NBEA: variants seen among roughly 807,000 people sequenced by gnomAD.
NBEA encodes lysosomal-trafficking regulator 2.
A neutral mutation model predicts 343.4 loss-of-function variants in NBEA; 44 were observed. The observed-to-expected ratio is 0.13, with a 90% CI of 0.10 to 0.16. The LOEUF is 0.16. NBEA is among the 10% of genes least tolerant of loss of function. The pLI is 1.00. For missense variants in NBEA, 2,555 were observed against 3,631.3 expected (o/e 0.70, Z 7.62); for synonymous variants, 1,175 against 1,238.7 (o/e 0.95, Z 1.08).
At chr13:35,438,893 T>C (rs1041780303) in intron 39 of NBEA, among the ~76,000 whole-genome samples, 3 of 152,252 alleles carry the variant, frequency 2.0e-5, no homozygotes, top group African/African-American at 7.2e-5. Flanking sequence ...ATTTTCATAT[T>C]AATAAATGTT....
intron 1 of NBEA, among the ~76,000 whole-genome samples, chr13:35,008,108 A>G (rs1261699966): frequency 2.6e-5 from 4 of 152,200 alleles, no homozygotes; most frequent in African/African-American, 7.2e-5. Flanking sequence ...TTACAATCCA[A>G]CTAAGAATAG....
intron 34 of NBEA, among the ~76,000 whole-genome samples, chr13:35,248,094 A>G (rs932054248): frequency 1.3e-5 from 2 of 152,224 alleles, no homozygotes; most frequent in African/African-American, 4.8e-5. Flanking sequence ...AGGATAGAAT[A>G]TTTGCAAACT....
intron 18 of NBEA, among the ~76,000 whole-genome samples, chr13:35,153,255 G>C (rs187383009): frequency 6.6e-6 from 1 of 151,866 alleles, no homozygotes; most frequent in Non-Finnish European, 1.5e-5. Context: ...GGATGGTCTC[G>C]ATCTCCTGAC....
chr13:34,959,488 C>T (rs979554367), intron 1 of NBEA, among the ~76,000 whole-genome samples: 3 of 151,938 alleles, frequency 2.0e-5, no homozygotes, highest in Non-Finnish European at 4.4e-5. Flanking sequence ...CTGGAATGGT[C>T]ATAAAATTCT....
At chr13:35,238,673 T>C (rs2075344950) in intron 34 of NBEA, among the ~76,000 whole-genome samples, 1 of 152,182 alleles carries the variant, frequency 6.6e-6, no homozygotes, top group Non-Finnish European at 1.5e-5. Context: ...GTGTCTGAGA[T>C]ACATGAGGCT....
At chr13:35,398,736 A>G (rs1375333365) in intron 38 of NBEA, among the ~76,000 whole-genome samples, 1 of 152,084 alleles carries the variant, frequency 6.6e-6, no homozygotes, top group Admixed American at 6.6e-5. Context: ...TTTTTAGAGC[A>G]CAGGCAGACT....
intron 34 of NBEA, among the ~76,000 whole-genome samples, chr13:35,237,427 ACT>A (rs2075289319): frequency 6.6e-6 from 1 of 151,882 alleles, no homozygotes; most frequent in Admixed American, 6.6e-5. Flanking sequence ...TTGAGCATGT[ACT>A]CTTACTCATT....
intron 41 of NBEA, chr13:35,475,069 T>A: frequency 6.2e-7 from 1 of 1,611,526 alleles, no homozygotes; most frequent in Non-Finnish European, 8.5e-7. Flanking sequence ...CTAAAGTTTT[T>A]CCAAACTTTT....
chr13:34,990,378 A>T (rs2060709055), intron 1 of NBEA, among the ~76,000 whole-genome samples: 3 of 151,088 alleles, frequency 2.0e-5, no homozygotes, highest in Non-Finnish European at 4.4e-5. Context: ...CCAAGCCTTA[A>T]CTCTTGCCCT....
intron 41 of NBEA, among the ~76,000 whole-genome samples, chr13:35,540,675 T>C (rs1351983643): frequency 6.6e-6 from 1 of 152,140 alleles, no homozygotes; most frequent in Non-Finnish European, 1.5e-5. Context: ...TTAAAATATT[T>C]TGCTCAACAA....
chr13:35,124,681 CAT>C (rs2067004933), intron 17 of NBEA, among the ~76,000 whole-genome samples: 2 of 150,310 alleles, frequency 1.3e-5, no homozygotes, highest in South Asian at 2.1e-4. Context: ...TATATATACA[CAT>C]GTATGGATAT....
intron 17 of NBEA, among the ~76,000 whole-genome samples, chr13:35,129,451 C>G (rs1387413718): frequency 6.6e-6 from 1 of 151,588 alleles, no homozygotes; most frequent in Non-Finnish European, 1.5e-5. Context: ...TAAAAAAACC[C>G]TAAGTAACTT....
intron 38 of NBEA, among the ~76,000 whole-genome samples, chr13:35,431,126 C>T (rs756107970): frequency 2.0e-5 from 3 of 151,580 alleles, no homozygotes; most frequent in Non-Finnish European, 4.4e-5. Flanking sequence ...ATTAAAAAAA[C>T]GTTTTCATTA....
chr13:35,426,768 C>G (rs2044705636), intron 38 of NBEA, among the ~76,000 whole-genome samples: 1 of 152,216 alleles, frequency 6.6e-6, no homozygotes, highest in African/African-American at 2.4e-5. Context: ...TTCTCCCCAT[C>G]ACTTTCAGGT....
intron 21 of NBEA, 38 bp from the exon 22 acceptor site, chr13:35,158,978 T>A (rs2069374043): frequency 1.3e-6 from 2 of 1,493,612 alleles, no homozygotes; most frequent in East Asian, 4.6e-5. Context: ...TTTTGATATG[T>A]ACAAAATGCC....
chr13:34,989,002 C>T (rs944444132), intron 1 of NBEA, among the ~76,000 whole-genome samples: 2 of 150,660 alleles, frequency 1.3e-5, no homozygotes, highest in Non-Finnish European at 3.0e-5. Context: ...TTCTTTGTCC[C>T]ATTTGTTTTT....
chr13:35,354,578 C>T (rs532739194), intron 38 of NBEA, among the ~76,000 whole-genome samples: 3 of 152,072 alleles, frequency 2.0e-5, no homozygotes, highest in Admixed American at 2.0e-4. Flanking sequence ...TTTCCTTGCA[C>T]ATTAGTTTCT....
chr13:34,967,372 CTG>C (rs1250885345), intron 1 of NBEA, among the ~76,000 whole-genome samples: 13 of 150,220 alleles, frequency 8.7e-5, no homozygotes, highest in Admixed American at 6.6e-5. Context: ...AAAAGCAAAA[CTG>C]AGACCTCGTC....
intron 38 of NBEA, among the ~76,000 whole-genome samples, chr13:35,431,861 A>C (rs2045136247): frequency 6.6e-6 from 1 of 152,164 alleles, no homozygotes; most frequent in African/African-American, 2.4e-5. Flanking sequence ...ATTGTAAACT[A>C]TTTGTAGTGA....
Sources: gnomAD v4.1 joint callset for allele counts (sites outside exome capture counted in the v4.1 genomes callset) on GRCh38, gnomAD v4.1.1 for gene constraint, MANE v1.5 for transcripts, NCBI Gene and HGNC (gene_info 2026-07-23, HGNC 2026-07-21) for gene names.